Variants in PTPRD observed in about 807,000 individuals in gnomAD.
PTPRD encodes the protein receptor-type tyrosine-protein phosphatase delta.
PTPRD carries 34 observed loss-of-function variants against 214.5 expected under a neutral mutation model. The ratio of observed to expected loss-of-function variants is 0.16; its 90% confidence interval spans 0.12 to 0.21. The LOEUF (loss-of-function observed/expected upper bound fraction) is 0.21. Among genes scored for constraint, PTPRD ranks in the 10% least tolerant of loss-of-function variants. The pLI, the probability that PTPRD is intolerant of heterozygous loss-of-function variation, is 1.00. For synonymous variants in PTPRD, 1,128 were observed against 845.7 expected, an observed-to-expected ratio of 1.33 and a Z score of -5.79; for missense variants, 2,545 against 2,398.7, an observed-to-expected ratio of 1.06 and a Z score of -1.27.
chr9:9,151,806 T>C (rs1354055637), intron 10 of PTPRD, among the ~76,000 whole-genome samples: 4 of 152,286 alleles, frequency 2.6e-5, no homozygotes, highest in Non-Finnish European at 5.9e-5. Flanking sequence ...CAATGTGATA[T>C]AAAGAGGCAA....
At chr9:8,868,821 C>A (rs895099967) in intron 11 of PTPRD, among the ~76,000 whole-genome samples, 1 of 152,026 alleles carries the variant, frequency 6.6e-6, no homozygotes, top group African/African-American at 2.4e-5. Context: ...CCATTCATCC[C>A]GCTGCTCATT....
intron 2 of PTPRD, among the ~76,000 whole-genome samples, chr9:10,479,945 T>C (rs1400444909): frequency 6.6e-6 from 1 of 152,102 alleles, no homozygotes; most frequent in Non-Finnish European, 1.5e-5. Context: ...GGTCTTAAAA[T>C]TTTTCGTTTT....
At chr9:10,351,659 C>T (rs997000881) in intron 2 of PTPRD, among the ~76,000 whole-genome samples, 1 of 130,650 alleles carries the variant, frequency 7.7e-6, no homozygotes, top group African/African-American at 3.0e-5. Context: ...TATTTTAATT[C>T]TAACTTTTTT....
intron 33 of PTPRD, chr9:8,454,495 G>T: frequency 6.9e-7 from 1 of 1,442,096 alleles, no homozygotes; most frequent in Non-Finnish European, 9.6e-7. Flanking sequence ...GTGCAGCCCC[G>T]CCCTCCCCTC....
chr9:10,358,660 C>T lies in PTPRD; in HGVS notation c.-599-17643G>A, dbSNP rs868076094. 5.8e-4 allele frequency among the ~76,000 whole-genome samples: 88 copies of T among 151,904 alleles called. 1 individual carries two copies. The highest frequency in any genetic ancestry group is 3.9e-3 in the Admixed American group (60 of 15,274). ...TTTGATTATTATATTCTACTATTAGCTCAGTATACACCATCTTAAGAAAAG... is the reference window on the plus strand; with the variant it reads ...TTTGATTATTATATTCTACTATTAGTTCAGTATACACCATCTTAAGAAAAG... On this transcript the variant is annotated intron_variant, in intron 2 of 45. Transcript: ENST00000381196.
Position 10,249,435 on chromosome 9 carries a change from G to T in PTPRD, c.-545+91528C>A, listed in dbSNP as rs537671016. On this transcript the variant is annotated intron_variant, in intron 3 of 45. Coordinates refer to ENST00000381196, the MANE Select transcript of PTPRD (RefSeq NM_002839.4). ...GAGTTTAAATTTTGACCCGGTAATAGCCAAGATCGGACCTCAAAATGTCCC... is the reference window on the plus strand; with the variant it reads ...GAGTTTAAATTTTGACCCGGTAATATCCAAGATCGGACCTCAAAATGTCCC... Among the ~76,000 whole-genome samples the T allele has an allele frequency of 1.1e-4, 17 of 152,142 alleles. No individual in the cohort carries two copies. In the South Asian group the frequency reaches 3.5e-3, roughly 32 times the overall value.
chr9:10,249,370 C>T (rs1394289412), intron 3 of PTPRD, among the ~76,000 whole-genome samples: 5 of 152,056 alleles, frequency 3.3e-5, no homozygotes, highest in African/African-American at 4.8e-5. Flanking sequence ...TAGTTCTCAG[C>T]GTCTCTTCTT....
chr9:9,203,305 C>G (rs2099942959), intron 9 of PTPRD, among the ~76,000 whole-genome samples: 1 of 151,924 alleles, frequency 6.6e-6, no homozygotes, highest in African/African-American at 2.4e-5. Flanking sequence ...ATTTAGAAAG[C>G]CTAGGTGATG....
intron 2 of PTPRD, among the ~76,000 whole-genome samples, chr9:10,394,094 A>C (rs1385696579): frequency 1.4e-5 from 2 of 144,886 alleles, no homozygotes; most frequent in Non-Finnish European, 1.5e-5. Context: ...AAACATATCT[A>C]TCTCTCTCTA....
intron 5 of PTPRD, among the ~76,000 whole-genome samples, chr9:9,886,386 G>C (rs1448815368): frequency 2.0e-5 from 3 of 152,164 alleles, no homozygotes; most frequent in Middle Eastern, 3.4e-3. Flanking sequence ...TTCACATGTG[G>C]ACATAATATA....
chr9:8,840,426 G>C (rs1180773243), intron 11 of PTPRD, among the ~76,000 whole-genome samples: 1 of 152,196 alleles, frequency 6.6e-6, no homozygotes, highest in Non-Finnish European at 1.5e-5. Flanking sequence ...TGCCATGATT[G>C]TGAGGCCTTC....
chr9:8,644,569 G>A (rs564550217), intron 12 of PTPRD, among the ~76,000 whole-genome samples: 3 of 152,226 alleles, frequency 2.0e-5, no homozygotes, highest in African/African-American at 7.2e-5. Flanking sequence ...AGACCTGGGA[G>A]CTCCCCAAGC....
intron 12 of PTPRD, among the ~76,000 whole-genome samples, chr9:8,642,179 G>T (rs2096591238): frequency 1.3e-5 from 2 of 152,108 alleles, no homozygotes; most frequent in South Asian, 4.1e-4. Context: ...CAGATTCATA[G>T]AAAGGATCAC....
rs114078731 is a variant in PTPRD, at chr9:8,581,864, G to C, written c.352+51453C>G. On this transcript the variant is annotated intron_variant, in intron 14 of 45. Transcript: ENST00000381196. Reference sequence around the variant, plus strand: ...CCAGCATTTGGGGAGGTGGAGGCGAGTTCCTGTCACTGCACTCCAGCCTGG... The same window carrying C: ...CCAGCATTTGGGGAGGTGGAGGCGACTTCCTGTCACTGCACTCCAGCCTGG... 9.0e-3 allele frequency among the ~76,000 whole-genome samples: 1,128 copies of C among 125,000 alleles called. 19 individuals carry two copies. The highest frequency in any genetic ancestry group is 0.031 in the African/African-American group (1,058 of 34,164). 82.0% of individuals were successfully genotyped at this position (125,000 alleles called of 152,430 possible).
At chr9:10,157,209 G>C (rs914164068) in intron 3 of PTPRD, among the ~76,000 whole-genome samples, 1 of 151,952 alleles carries the variant, frequency 6.6e-6, no homozygotes, top group African/African-American at 2.4e-5. Flanking sequence ...CATTTTTTGG[G>C]GGTTGCTTTT....
At chr9:8,649,601 G>A (rs2096764640) in intron 12 of PTPRD, among the ~76,000 whole-genome samples, 1 of 152,162 alleles carries the variant, frequency 6.6e-6, no homozygotes, top group Non-Finnish European at 1.5e-5. Context: ...AAATGTAGAA[G>A]TGTATTATAA....
chr9:8,369,537 A>G (rs1042096686), intron 39 of PTPRD, among the ~76,000 whole-genome samples: 2 of 150,984 alleles, frequency 1.3e-5, no homozygotes, highest in Non-Finnish European at 3.0e-5. Context: ...TGCAGTCCCT[A>G]TTCCTTCCAG....
chr9:9,791,335 T>C (rs940774130), intron 5 of PTPRD, among the ~76,000 whole-genome samples: 9 of 151,868 alleles, frequency 5.9e-5, no homozygotes, highest in Middle Eastern at 3.4e-3. Flanking sequence ...CATAGAATCA[T>C]GTTTTTTTTA....
chr9:8,881,574 C>T (rs7852158), intron 11 of PTPRD, among the ~76,000 whole-genome samples: 30 of 152,280 alleles, frequency 2.0e-4, no homozygotes, highest in African/African-American at 5.8e-4. Flanking sequence ...AAGTAAAAGA[C>T]AGGCATACAG....
Sources: gnomAD v4.1 joint callset for allele counts (sites outside exome capture counted in the v4.1 genomes callset) on GRCh38, gnomAD v4.1.1 for gene constraint, MANE v1.5 for transcripts, NCBI Gene and HGNC (gene_info 2026-07-23, HGNC 2026-07-21) for gene names.